The following ULK4 variants were observed in gnomAD, a reference collection of about 807,000 sequenced individuals.
ULK4 encodes unc-51 like kinase 4.
In ULK4, 133 loss-of-function variants were observed where a neutral mutation model predicts 160.6. The ratio of observed to expected loss-of-function variants is 0.83; its 90% CI spans 0.72 to 0.96. The LOEUF is 0.96. ULK4 is among the 40% of genes least tolerant of loss of function. The pLI is 0.00. For missense variants in ULK4, 1,580 were observed against 1,499.5 expected (o/e 1.05, Z -0.89); for synonymous variants, 534 against 539.8 (o/e 0.99, Z 0.15).
intron 35 of ULK4, among the ~76,000 whole-genome samples, chr3:41,279,172 G>A (rs74657001): frequency 1.4e-5 from 2 of 146,372 alleles, no homozygotes; most frequent in Admixed American, 7.0e-5. Context: ...TAGCCAATTC[G>A]ATCAAGTGGA....
intron 35 of ULK4, among the ~76,000 whole-genome samples, chr3:41,312,170 C>T (rs2080064065): frequency 6.6e-6 from 1 of 151,924 alleles, no homozygotes. Context: ...GAGATGGGAT[C>T]TCACTGTATT....
At chr3:41,257,457 C>T (rs1026211989) in intron 35 of ULK4, among the ~76,000 whole-genome samples, 3 of 151,908 alleles carry the variant, frequency 2.0e-5, no homozygotes, top group African/African-American at 7.3e-5. Flanking sequence ...CATAGTGAGA[C>T]CTCATCTCTG....
chr3:41,591,127 A>T (rs1170415433), intron 31 of ULK4, among the ~76,000 whole-genome samples: 1 of 152,194 alleles, frequency 6.6e-6, no homozygotes, highest in Non-Finnish European at 1.5e-5. Flanking sequence ...AGAAAAGAAC[A>T]AGTATAAAAA....
chr3:41,953,263 T>TAC (rs1226458301), intron 2 of ULK4, among the ~76,000 whole-genome samples: 1 of 104,368 alleles, frequency 9.6e-6, no homozygotes, highest in East Asian at 2.9e-4. Context: ...TACATATATA[T>TAC]ACACATATAT....
intron 35 of ULK4, among the ~76,000 whole-genome samples, chr3:41,319,845 G>A (rs569968226): frequency 6.6e-6 from 1 of 152,292 alleles, no homozygotes; most frequent in South Asian, 2.1e-4. Flanking sequence ...GGTGGAGCCA[G>A]AGCCAGTGAA....
At chr3:41,647,836 T>C (rs1230482919) in intron 30 of ULK4, among the ~76,000 whole-genome samples, 1 of 132,608 alleles carries the variant, frequency 7.5e-6, no homozygotes, top group Non-Finnish European at 1.8e-5. Flanking sequence ...CCTTGAGCTG[T>C]GGTGGGCTCC....
chr3:41,344,057 A>G (rs1488929371), intron 35 of ULK4, among the ~76,000 whole-genome samples: 1 of 152,246 alleles, frequency 6.6e-6, no homozygotes, highest in Non-Finnish European at 1.5e-5. Flanking sequence ...TGGAGGCATC[A>G]TGCTACCTGA....
intron 14 of ULK4, among the ~76,000 whole-genome samples, chr3:41,897,834 C>T (rs1032567856): frequency 4.6e-5 from 7 of 152,164 alleles, no homozygotes; most frequent in Non-Finnish European, 8.8e-5. Context: ...ACTCTAGCCA[C>T]GATGAATAAT....
chr3:41,479,033 G>T (rs1299722547), intron 32 of ULK4, among the ~76,000 whole-genome samples: 1 of 152,210 alleles, frequency 6.6e-6, no homozygotes, highest in Non-Finnish European at 1.5e-5. Flanking sequence ...TTGGGGTGGG[G>T]GTGATCCCTC....
intron 18 of ULK4, among the ~76,000 whole-genome samples, chr3:41,833,444 C>A (rs2041658653): frequency 6.6e-6 from 1 of 151,906 alleles, no homozygotes; most frequent in Admixed American, 6.6e-5. Flanking sequence ...TACCAGTGCC[C>A]ACCACCATGC....
chr3:41,415,248 G>A (rs1221747021), intron 34 of ULK4, among the ~76,000 whole-genome samples: 1 of 152,192 alleles, frequency 6.6e-6, no homozygotes, highest in African/African-American at 2.4e-5. Context: ...CTAGGATGCT[G>A]AGTTCTGTAG....
In ULK4 at chr3:41,295,512, G is replaced by T. The variant is rs1248660377; in HGVS notation, c.3679-45938C>A. Among the ~76,000 whole-genome samples, 2 of 132,236 alleles carry T rather than the reference G, an allele frequency of 1.5e-5. 1 individual carries two copies. The highest frequency in any genetic ancestry group is 5.5e-5 in the African/African-American group (2 of 36,670). The allele number at this position is 132,236 out of a possible 152,430, so 86.8% of individuals were successfully genotyped here. Reference sequence around the variant, plus strand: ...AAACTTAAAACTTCTGCCACAGACTGGGAGAAAATATTTGCAAAAGACACA... The same window carrying T: ...AAACTTAAAACTTCTGCCACAGACTTGGAGAAAATATTTGCAAAAGACACA... On this transcript the variant is annotated intron_variant, in intron 35 of 36. Coordinates refer to ENST00000301831, the MANE Select transcript of ULK4 (RefSeq NM_017886.4).
At chr3:41,263,581 A>G (rs1656606127) in intron 35 of ULK4, among the ~76,000 whole-genome samples, 1 of 145,238 alleles carries the variant, frequency 6.9e-6, no homozygotes, top group Non-Finnish European at 1.5e-5. Context: ...TCAGGAAAAT[A>G]CTCATAATAT....
At position 41,898,600 on chromosome 3, in the gene ULK4, ATG is replaced by A. The variant is rs374961239; in HGVS notation, c.1288-110_1288-109del. 227 of 660,044 alleles carry A rather than the reference ATG, an allele frequency of 3.4e-4. 1 individual carries two copies. In the African/African-American group the frequency reaches 3.8e-3, roughly 11 times the overall value. The allele number at this position is 660,044 out of a possible 1,614,324, so 40.9% of individuals were successfully genotyped here. A position where few individuals can be genotyped will look rare whatever the true frequency, so the allele number is the denominator to read the frequency against. On this transcript the variant is annotated intron_variant, in intron 13 of 36. Coordinates refer to ENST00000301831, the MANE Select transcript of ULK4 (RefSeq NM_017886.4). ...ATAAATCAATGAGGACAAAAAAAGA[ATG>A]TGCAAAATTTGTTACCAAAAAGAAT...
intron 30 of ULK4, among the ~76,000 whole-genome samples, chr3:41,646,036 A>G (rs934933365): frequency 1.3e-5 from 2 of 151,482 alleles, no homozygotes; most frequent in African/African-American, 4.9e-5. Context: ...TTTGTTTTCC[A>G]TTTGCCTGGT....
chr3:41,500,212 A>T (rs1424896276), intron 32 of ULK4, among the ~76,000 whole-genome samples: 20 of 137,980 alleles, frequency 1.4e-4, no homozygotes, highest in Middle Eastern at 7.6e-3. Context: ...TCTTCCTTCT[A>T]CTTCCTTCAG....
intron 18 of ULK4, among the ~76,000 whole-genome samples, chr3:41,826,347 A>C (rs1350319497): frequency 6.6e-6 from 1 of 152,230 alleles, no homozygotes; most frequent in Non-Finnish European, 1.5e-5. Context: ...TGCTCCAATT[A>C]GAAGACACAG....
intron 25 of ULK4, among the ~76,000 whole-genome samples, chr3:41,706,786 C>T (rs56132555): frequency 0.11 from 15,694 of 147,356 alleles, 2,270 homozygotes; most frequent in African/African-American, 0.32. Context: ...CAAGATCATG[C>T]CACTGCAGTC....
intron 32 of ULK4, among the ~76,000 whole-genome samples, chr3:41,499,293 T>G (rs1467313148): frequency 6.6e-6 from 1 of 151,682 alleles, no homozygotes; most frequent in East Asian, 1.9e-4. Flanking sequence ...CAACAGAGCT[T>G]CTTTAGCTCT....
Sources: gnomAD v4.1 joint callset for allele counts (sites outside exome capture counted in the v4.1 genomes callset) on GRCh38, gnomAD v4.1.1 for gene constraint, MANE v1.5 for transcripts, NCBI Gene and HGNC (gene_info 2026-07-23, HGNC 2026-07-21) for gene names.